SLC35D1: variants seen among roughly 807,000 people sequenced by gnomAD.
SLC35D1 encodes nucleotide sugar transporter SLC35D1.
In SLC35D1, 31 loss-of-function variants were observed where a neutral mutation model predicts 46.7. That is an observed-to-expected ratio of 0.66 (90% CI 0.50 to 0.90). The LOEUF (loss-of-function observed/expected upper bound fraction) is 0.90. SLC35D1 is among the 40% of genes least tolerant of loss of function. The pLI is 0.00. For synonymous variants in SLC35D1, 195 were observed against 164.6 expected, an observed-to-expected ratio of 1.18 and a Z score of -1.41; for missense variants, 397 against 426.2, an observed-to-expected ratio of 0.93 and a Z score of 0.60.
chr1:67,004,560 C>T, intron 11 of SLC35D1, 112 bp from the exon 12 acceptor site: 1 of 827,468 alleles, frequency 1.2e-6, no homozygotes, highest in South Asian at 1.4e-5. Context: ...TAAAGTTTCA[C>T]AGTGGGGAAA....
chr1:67,049,672 A>G (rs994968732), intron 6 of SLC35D1, 110 bp downstream of exon 6: 1 of 1,014,206 alleles, frequency 9.9e-7, no homozygotes, highest in Non-Finnish European at 1.5e-6. Context: ...GATGCTTTTC[A>G]AAGATATAAT....
chr1:66,986,732 T>G, the SLC35D1 span: 2 of 344,624 alleles, frequency 5.8e-6, no homozygotes, highest in Non-Finnish European at 1.0e-5. Context: ...TGGGTGGAAG[T>G]GTTGAGAAGT....
the SLC35D1 span, chr1:66,985,309 A>T: frequency 1.3e-5 from 13 of 985,540 alleles, no homozygotes; most frequent in African/African-American, 2.3e-4. Flanking sequence ...CTCAAGTCCA[A>T]ATTTCTGCTT....
Position 67,002,292 on chromosome 1 carries a change from T to C in SLC35D1, c.*2048A>G, listed in dbSNP as rs2102221369. The C allele has an allele frequency of 6.6e-6, 1 of 152,442 alleles. No homozygotes were observed. Among genetic ancestry groups the C allele is most frequent in the Admixed American group, 6.5e-5 (1 of 15,296 alleles). 9.4% of individuals were successfully genotyped at this position (152,442 alleles called of 1,614,324 possible). On this transcript the variant is annotated 3_prime_UTR_variant, in exon 12 of 12. Coordinates refer to ENST00000235345, the MANE Select transcript of SLC35D1 (RefSeq NM_015139.3). Reference sequence around the variant, plus strand: ...CAGGGTAAGCTGTCACTCTTCCTGATTTGCAAAGTATGCTCCTCTCTGACA... The same window carrying C: ...CAGGGTAAGCTGTCACTCTTCCTGACTTGCAAAGTATGCTCCTCTCTGACA...
chr1:67,042,020 T>C lies in SLC35D1; in HGVS notation c.729+216A>G, dbSNP rs17129630. Among the ~76,000 whole-genome samples, 679 of 152,362 alleles carry C rather than the reference T, an allele frequency of 4.5e-3. 6 individuals carry two copies. Among genetic ancestry groups the C allele is most frequent in the African/African-American group, 0.016 (663 of 41,586 alleles). On this transcript the variant is annotated intron_variant, in intron 8 of 11. Coordinates refer to ENST00000235345, the MANE Select transcript of SLC35D1 (RefSeq NM_015139.3). ...CACTAGCTGGCAAGCACTATTTTTATGTTGACAGCAGAGCTATTTTGAGTC... is the reference window on the plus strand; with the variant it reads ...CACTAGCTGGCAAGCACTATTTTTACGTTGACAGCAGAGCTATTTTGAGTC...
intron 8 of SLC35D1, among the ~76,000 whole-genome samples, chr1:67,030,173 T>C (rs1341562304): frequency 1.3e-5 from 2 of 152,180 alleles, no homozygotes; most frequent in Non-Finnish European, 2.9e-5. Context: ...CACTGCTTCA[T>C]TATGCTAGAC....
the SLC35D1 span, chr1:66,985,304 G>A: frequency 2.9e-5 from 29 of 985,382 alleles, no homozygotes; most frequent in African/African-American, 4.5e-4. Context: ...GGAAACTCAA[G>A]TCCAAATTTC....
intron 10 of SLC35D1, among the ~76,000 whole-genome samples, chr1:67,013,792 G>T (rs188029390): frequency 6.6e-6 from 1 of 152,264 alleles, no homozygotes; most frequent in East Asian, 1.9e-4. Flanking sequence ...TTTTAGAGGT[G>T]ACTGGTAACA....
At chr1:67,039,527 G>A (rs1040428581) in intron 8 of SLC35D1, among the ~76,000 whole-genome samples, 90 of 151,862 alleles carry the variant, frequency 5.9e-4, no homozygotes, top group Admixed American at 5.9e-4. Flanking sequence ...GTGTGCGCGC[G>A]TGGGGGGTAT....
At chr1:67,040,669 T>C (rs567693258) in intron 8 of SLC35D1, among the ~76,000 whole-genome samples, 1 of 152,262 alleles carries the variant, frequency 6.6e-6, no homozygotes, top group East Asian at 1.9e-4. Flanking sequence ...TTTCCTGGTA[T>C]TTGCCCATTT....
chr1:67,013,556 T>A (rs1667619746), intron 10 of SLC35D1, among the ~76,000 whole-genome samples: 1 of 151,870 alleles, frequency 6.6e-6, no homozygotes, highest in Non-Finnish European at 1.5e-5. Flanking sequence ...TCTCAAAAAA[T>A]ATATATTTTT....
chr1:66,982,570 A>G, the SLC35D1 span, among the ~76,000 whole-genome samples: 1 of 152,204 alleles, frequency 6.6e-6, no homozygotes, highest in African/African-American at 2.4e-5. Flanking sequence ...CTTTGATTAA[A>G]TGGTCTTTTT....
intron 1 of SLC35D1, 60 bp downstream of exon 1, chr1:67,053,751 G>T (rs1407207886): frequency 2.9e-6 from 4 of 1,393,060 alleles, no homozygotes; most frequent in Admixed American, 3.6e-5. Context: ...AGCCGGCGCC[G>T]CGCCGCCGCC....
At chr1:67,017,306 C>T (rs1289222349) in intron 10 of SLC35D1, among the ~76,000 whole-genome samples, 4 of 152,078 alleles carry the variant, frequency 2.6e-5, no homozygotes, top group Non-Finnish European at 2.9e-5. Context: ...AACTATAGCA[C>T]ATCTGTTTAA....
chr1:67,005,131 G>A (rs1570603689), intron 11 of SLC35D1, among the ~76,000 whole-genome samples: 1 of 152,142 alleles, frequency 6.6e-6, no homozygotes, highest in Non-Finnish European at 1.5e-5. Flanking sequence ...TTCACTAAGT[G>A]GAAAGTAGTC....
downstream of SLC35D1, among the ~76,000 whole-genome samples, chr1:66,998,935 A>G (rs1667276070): frequency 6.6e-6 from 1 of 152,224 alleles, no homozygotes; most frequent in Non-Finnish European, 1.5e-5. Context: ...TATATGTAAC[A>G]CTACTAAACT....
the SLC35D1 span, chr1:66,984,439 AAT>A: frequency 1.6e-6 from 1 of 635,506 alleles, no homozygotes; most frequent in Non-Finnish European, 2.6e-6. Context: ...GCTTATAAGT[AAT>A]AGAGCAAGAA....
At chr1:66,983,577 C>G in the SLC35D1 span, among the ~76,000 whole-genome samples, 16 of 152,038 alleles carry the variant, frequency 1.1e-4, no homozygotes, top group Non-Finnish European at 1.9e-4. Context: ...CTTTTCTCAC[C>G]TACTATAGAA....
At chr1:67,041,629 G>A (rs763926166) in intron 8 of SLC35D1, among the ~76,000 whole-genome samples, 1 of 151,984 alleles carries the variant, frequency 6.6e-6, no homozygotes, top group Non-Finnish European at 1.5e-5. Context: ...TCTCCTACAC[G>A]GGCTTGTTTT....
Sources: gnomAD v4.1 joint callset for allele counts (sites outside exome capture counted in the v4.1 genomes callset) on GRCh38, gnomAD v4.1.1 for gene constraint, MANE v1.5 for transcripts, NCBI Gene and HGNC (gene_info 2026-07-23, HGNC 2026-07-21) for gene names.